The following VWA3B variants were observed in gnomAD, a reference collection of about 807,000 sequenced individuals.
VWA3B encodes the protein von Willebrand factor A domain containing 3B.
A neutral mutation model predicts 158.3 loss-of-function variants in VWA3B; 138 were observed. The ratio of observed to expected loss-of-function variants is 0.87; its 90% CI spans 0.76 to 1.00. The LOEUF is 1.00. VWA3B is among the 50% of genes least tolerant of loss of function. The probability of loss-of-function intolerance (pLI) is 0.00; values close to 1 mark genes in which losing one functional copy is unlikely to be tolerated. For synonymous variants in VWA3B, 596 were observed against 587.3 expected (o/e 1.01, Z -0.21); for missense variants, 1,555 against 1,565.1 (o/e 0.99, Z 0.11).
At chr2:98,180,384 G>T (rs965159553) in intron 8 of VWA3B, among the ~76,000 whole-genome samples, 2 of 152,214 alleles carry the variant, frequency 1.3e-5, no homozygotes, top group Non-Finnish European at 2.9e-5. Flanking sequence ...TAGAGATGCG[G>T]TTTCGCCATG....
chr2:98,202,884 C>G (rs762061192), intron 12 of VWA3B, among the ~76,000 whole-genome samples: 16 of 152,000 alleles, frequency 1.1e-4, no homozygotes, highest in Admixed American at 2.6e-4. Flanking sequence ...CCAGGCTGGA[C>G]TGCAGTGGCA....
intron 12 of VWA3B, chr2:98,206,915 A>G (rs998214280): frequency 6.8e-6 from 3 of 444,020 alleles, no homozygotes; most frequent in African/African-American, 2.0e-5. Flanking sequence ...GGTGTTGTCA[A>G]CTTAAAAAAT....
rs151086614 is a variant in VWA3B at position 98,302,348 on chromosome 2, A to C, written c.3421-1354A>C. On this transcript the variant is annotated intron_variant, in intron 25 of 27. Coordinates refer to ENST00000477737, the MANE Select transcript of VWA3B (RefSeq NM_144992.5). The stretch of plus-strand genomic sequence containing the variant: ...CTCTCAATCCTTGAAGGCAGAGACC[A>C]CGTCTGTTCACCTTTGTCCCTCCCA... Among the ~76,000 whole-genome samples, 248 of 152,362 alleles carry C rather than the reference A, an allele frequency of 1.6e-3. 2 individuals carry two copies. In the East Asian group the frequency reaches 0.041, roughly 25 times the overall value.
chr2:98,279,530 A>G (rs1688743945), intron 22 of VWA3B, among the ~76,000 whole-genome samples: 1 of 152,200 alleles, frequency 6.6e-6, no homozygotes, highest in South Asian at 2.1e-4. Context: ...GGGGCCACTC[A>G]GGAAGCAGAA....
chr2:98,125,593 C>T lies in VWA3B; in HGVS notation c.703-2646C>T, dbSNP rs998748649. 1.1e-4 allele frequency among the ~76,000 whole-genome samples: 16 copies of T among 152,174 alleles called. No homozygotes were observed. Among genetic ancestry groups the T allele is most frequent in the Non-Finnish European group, 2.9e-5 (2 of 68,022 alleles). Reference sequence around the variant, plus strand: ...AGCCAACAGTATTAAAGCCATTTTGCTTTAAGAGGCATTTTGCCAGTTTGA... The same window carrying T: ...AGCCAACAGTATTAAAGCCATTTTGTTTTAAGAGGCATTTTGCCAGTTTGA... On this transcript the variant is annotated intron_variant, in intron 5 of 27. Transcript: ENST00000477737. The surrounding 1 kb of genome is among the most constrained non-coding windows in gnomAD (Gnocchi z 4.1).
intron 22 of VWA3B, among the ~76,000 whole-genome samples, chr2:98,280,999 C>A (rs1266961804): frequency 6.6e-6 from 1 of 152,140 alleles, no homozygotes; most frequent in Non-Finnish European, 1.5e-5. Flanking sequence ...TGTTAAAGTG[C>A]AAATGCCCTG....
At chr2:98,250,553 T>C (rs944158164) in intron 20 of VWA3B, 117 bp downstream of exon 20, 1 of 857,266 alleles carries the variant, frequency 1.2e-6, no homozygotes, top group African/African-American at 1.8e-5. Context: ...TATTTAAAAA[T>C]TGTTCAGGCT....
At chr2:98,270,455 C>G (rs1340279439) in intron 21 of VWA3B, among the ~76,000 whole-genome samples, 1 of 152,148 alleles carries the variant, frequency 6.6e-6, no homozygotes, top group African/African-American at 2.4e-5. Context: ...AAGTGCCTAC[C>G]ATAATTCACA....
chr2:98,192,751 T>G, intron 10 of VWA3B, 147 bp from the exon 11 acceptor site: 1 of 1,137,610 alleles, frequency 8.8e-7, no homozygotes, highest in Admixed American at 2.4e-5. Flanking sequence ...CAGAAAAACC[T>G]CAAAGCGAAT....
intron 7 of VWA3B, among the ~76,000 whole-genome samples, chr2:98,161,482 A>G (rs1189488930): frequency 1.3e-5 from 2 of 152,222 alleles, no homozygotes; most frequent in African/African-American, 4.8e-5. Context: ...GCTGCTTGGC[A>G]CTAAGGACAC....
intron 7 of VWA3B, among the ~76,000 whole-genome samples, chr2:98,160,701 T>A (rs990211665): frequency 6.6e-6 from 1 of 152,234 alleles, no homozygotes; most frequent in Non-Finnish European, 1.5e-5. Context: ...TCTGTCTTGA[T>A]TTTACAGCGT....
At chr2:98,313,629 A>G (rs1691024406), downstream of VWA3B, among the ~76,000 whole-genome samples, 1 of 152,206 alleles carries the variant, frequency 6.6e-6, no homozygotes, top group Admixed American at 6.5e-5. Flanking sequence ...CATTCATTCA[A>G]TTATTCAACA....
intron 12 of VWA3B, among the ~76,000 whole-genome samples, chr2:98,211,064 G>A (rs1683466775): frequency 1.3e-5 from 2 of 152,196 alleles, no homozygotes; most frequent in African/African-American, 4.8e-5. Context: ...CCCCCACCAG[G>A]CAGCCCTGCA....
At chr2:98,288,881 CCCTTTCATTCCAA>C (rs1408281683) in intron 22 of VWA3B, among the ~76,000 whole-genome samples, 2 of 151,988 alleles carry the variant, frequency 1.3e-5, no homozygotes, top group Non-Finnish European at 2.9e-5. Context: ...TTTTTCTTTC[CCCTTTCATTCCAA>C]CCTTTCAAGA....
chr2:98,167,581 G>A (rs548200202), intron 8 of VWA3B, among the ~76,000 whole-genome samples: 6 of 152,234 alleles, frequency 3.9e-5, no homozygotes, highest in African/African-American at 9.6e-5. Flanking sequence ...CTGAGCTGAG[G>A]GTCTGGAGGG....
intron 8 of VWA3B, 43 bp from the exon 9 acceptor site, chr2:98,180,973 T>C: frequency 1.3e-6 from 2 of 1,589,160 alleles, no homozygotes; most frequent in Non-Finnish European, 1.7e-6. Flanking sequence ...GTAATATGAA[T>C]GGCTCATGCA....
In VWA3B at chr2:98,130,971, A is replaced by G. The variant is rs75406847; in HGVS notation, c.872+2563A>G. Reference sequence around the variant, plus strand: ...TTCTGGCTATTGTGAAATATAAAATACACTGTTGTTAACTATAGCCACCCT... The same window carrying G: ...TTCTGGCTATTGTGAAATATAAAATGCACTGTTGTTAACTATAGCCACCCT... On this transcript the variant is annotated intron_variant, in intron 6 of 27. Transcript: ENST00000477737. 5.1e-3 allele frequency among the ~76,000 whole-genome samples: 784 copies of G among 152,312 alleles called. 17 individuals are homozygous for G. In the East Asian group the frequency reaches 0.089, roughly 17 times the overall value.
At chr2:98,237,358 G>A (rs934793823) in intron 19 of VWA3B, among the ~76,000 whole-genome samples, 2 of 152,150 alleles carry the variant, frequency 1.3e-5, no homozygotes, top group South Asian at 2.1e-4. Context: ...GAGGACTTGC[G>A]AGAGATTATG....
At position 98,276,096 on chromosome 2, in the gene VWA3B, G is replaced by A. The variant is rs1436130858; in HGVS notation, c.3045+5213G>A. ...CACCCTTGTCTGTTAGGGGAACGCC[G>A]ATGTTCCAGCATAGATGTCCCTAGG... On this transcript the variant is annotated intron_variant, in intron 22 of 27. Coordinates refer to ENST00000477737, the MANE Select transcript of VWA3B (RefSeq NM_144992.5). Among the ~76,000 whole-genome samples, 6 of 152,280 alleles carry A rather than the reference G, an allele frequency of 3.9e-5. 1 individual carries two copies. The South Asian group carries it at 6.2e-4, about 16-fold the overall frequency.
Sources: allele counts gnomAD v4.1 joint callset (sites outside exome capture counted in the v4.1 genomes callset), GRCh38; gene constraint gnomAD v4.1.1; non-coding constraint Gnocchi (gnomAD v3.1); transcripts MANE v1.5; gene names NCBI Gene and HGNC (gene_info 2026-07-23, HGNC 2026-07-21).